Variants in LRP1 observed in about 807,000 individuals in gnomAD.
The protein encoded by LRP1 is LDL receptor related protein 1.
A neutral mutation model predicts 541.5 loss-of-function variants in LRP1; 51 were observed. That is an observed-to-expected ratio of 0.09 (90% CI 0.08 to 0.12). LRP1 has a LOEUF of 0.12. LRP1 is among the 10% of genes least tolerant of loss of function. The pLI, the probability that LRP1 is intolerant of heterozygous loss-of-function variation, is 1.00. For synonymous variants in LRP1, 2,219 were observed against 2,470.8 expected, an observed-to-expected ratio of 0.90 and a Z score of 3.02; for missense variants, 3,878 against 6,376.2, an observed-to-expected ratio of 0.61 and a Z score of 13.34.
chr12:57,140,709 T>C (rs1385961749), intron 2 of LRP1, among the ~76,000 whole-genome samples: 1 of 152,168 alleles, frequency 6.6e-6, no homozygotes, highest in East Asian at 1.9e-4. Context: ...TGGACCCTGC[T>C]TCCCTCAGCT....
chr12:57,204,495 T>C lies in LRP1; in HGVS notation c.11037T>C (p.Cys3679=). 6.3e-7 allele frequency: 1 copy of C among 1,592,122 alleles called. No homozygotes were observed. Among genetic ancestry groups the C allele is most frequent in the Non-Finnish European group, 8.6e-7 (1 of 1,167,312 alleles). The part of the protein sequence containing the change: ...LAWKCDGEDD[C]GDNSDENPEE... ...GGAAGTGCGATGGCGAGGATGACTG[T>C]GGGGACAACTCAGATGAGAACCCCG... Residue 3679 remains cysteine, a synonymous_variant, in exon 71 of 89, where the codon TGT becomes TGC. Transcript: ENST00000243077. The surrounding 1 kb of genome is among the most constrained non-coding windows in gnomAD (Gnocchi z 5.3).
In LRP1 at chr12:57,204,112, G is replaced by T; in HGVS notation, c.10952-298G>T. Reference sequence around the variant, plus strand: ...CGCGTCCCCGCTGTGGAACTACACAGCCCAGTGCTGTTCCCACGTCCCCGC... The same window carrying T: ...CGCGTCCCCGCTGTGGAACTACACATCCCAGTGCTGTTCCCACGTCCCCGC... On this transcript the variant is annotated intron_variant, in intron 70 of 88. Transcript: ENST00000243077. The surrounding 1 kb of genome is among the most constrained non-coding windows in gnomAD (Gnocchi z 5.3). 3.2e-6 allele frequency: 1 copy of T among 311,832 alleles called. No individual in the cohort carries two copies. The highest frequency in any genetic ancestry group is 9.8e-5 in the South Asian group (1 of 10,222). The allele number at this position is 311,832 out of a possible 1,614,324, so 19.3% of individuals were successfully genotyped here.
chr12:57,212,682 T>G lies in LRP1; in HGVS notation c.*127T>G. 36 of 955,890 alleles carry G rather than the reference T, an allele frequency of 3.8e-5. No homozygotes were observed. Among genetic ancestry groups the G allele is most frequent in the Middle Eastern group, 3.3e-4 (1 of 3,020 alleles). The allele number at this position is 955,890 out of a possible 1,614,324, so 59.2% of individuals were successfully genotyped here. On this transcript the variant is annotated 3_prime_UTR_variant, in exon 89 of 89. Transcript: ENST00000243077. The surrounding 1 kb of genome is among the most constrained non-coding windows in gnomAD (Gnocchi z 5.0). ...ATGTATAAATGTAAAAATGAAGGAA[T>G]TACATTTTATATGTGAGCGAGCAAG...
intron 6 of LRP1, among the ~76,000 whole-genome samples, chr12:57,146,182 CA>C (rs1415362208): frequency 1.3e-5 from 2 of 151,700 alleles, no homozygotes; most frequent in Non-Finnish European, 2.9e-5. Flanking sequence ...CTGCCGGGAA[CA>C]GCCCTGCCCA....
chr12:57,184,585 C>A lies in LRP1; in HGVS notation c.6186+133C>A. On this transcript the variant is annotated intron_variant, in intron 38 of 88. Transcript: ENST00000243077. This position sits in a 1 kb window ranked among gnomAD's most constrained non-coding sequence, Gnocchi z 7.8. Reference sequence around the variant, plus strand: ...AGGGTCTCCCAGCCCAGCCCTCCACCCAGAGTAGGACTCCTGCTACCACAG... The same window carrying A: ...AGGGTCTCCCAGCCCAGCCCTCCACACAGAGTAGGACTCCTGCTACCACAG... 7.5e-7 allele frequency: 1 copy of A among 1,327,858 alleles called. No individual in the cohort carries two copies. Among genetic ancestry groups the A allele is most frequent in the African/African-American group, 1.5e-5 (1 of 68,726 alleles). 82.3% of individuals were successfully genotyped at this position (1,327,858 alleles called of 1,614,324 possible). A position where few individuals can be genotyped will look rare whatever the true frequency, so the allele number is the denominator to read the frequency against.
Position 57,154,799 on chromosome 12 carries a change from C to T in LRP1, c.1227+98C>T. 1 of 1,144,950 alleles carries T rather than the reference C, an allele frequency of 8.7e-7. No homozygotes were observed. The highest frequency in any genetic ancestry group is 1.3e-6 in the Non-Finnish European group (1 of 783,844). The allele number at this position is 1,144,950 out of a possible 1,614,324, so 70.9% of individuals were successfully genotyped here. A position where few individuals can be genotyped will look rare whatever the true frequency, so the allele number is the denominator to read the frequency against. On this transcript the variant is annotated intron_variant, in intron 8 of 88. Transcript: ENST00000243077. The surrounding 1 kb of genome is among the most constrained non-coding windows in gnomAD (Gnocchi z 4.6). The stretch of plus-strand genomic sequence containing the variant: ...TGTAGGGGAACCGTTCTCTGAGTCT[C>T]CTGGTAAAGAGCGTGGATGCCCCAG...
chr12:57,201,220 C>T lies in LRP1; in HGVS notation c.10345+67C>T. Reference sequence around the variant, plus strand: ...CACGGAAGCAGGGCAGGCAGAATCTCCCCACAGCTTTGAGAGGCTCTCAAA... The same window carrying T: ...CACGGAAGCAGGGCAGGCAGAATCTTCCCACAGCTTTGAGAGGCTCTCAAA... On this transcript the variant is annotated intron_variant, in intron 65 of 88. Coordinates refer to ENST00000243077, the MANE Select transcript of LRP1 (RefSeq NM_002332.3). The surrounding 1 kb of genome is among the most constrained non-coding windows in gnomAD (Gnocchi z 6.4). The T allele has an allele frequency of 1.2e-6, 2 of 1,602,342 alleles. No homozygotes were observed. Among genetic ancestry groups the T allele is most frequent in the East Asian group, 2.2e-5 (1 of 44,654 alleles).
At chr12:57,193,831 G>A in intron 47 of LRP1, 68 bp from the exon 48 acceptor site, 1 of 1,590,464 alleles carries the variant, frequency 6.3e-7, no homozygotes, top group Non-Finnish European at 8.6e-7. Context: ...CAGGAGCTCT[G>A]TCCTGCGTCC....
At chr12:57,207,317 ATAAAT>A (rs1426330210) in intron 76 of LRP1, among the ~76,000 whole-genome samples, 91 of 147,320 alleles carry the variant, frequency 6.2e-4, no homozygotes, top group African/African-American at 2.1e-3. Flanking sequence ...AAATAAATAA[ATAAAT>A]AAAATAAAAT....
At chr12:57,152,543 G>A (rs536034438) in intron 6 of LRP1, among the ~76,000 whole-genome samples, 4 of 152,108 alleles carry the variant, frequency 2.6e-5, no homozygotes, top group Admixed American at 6.5e-5. Context: ...TGGTTACAGC[G>A]TGTGGGGCAA....
chr12:57,212,041 A>T lies in LRP1; in HGVS notation c.13349+24A>T. 3.7e-6 allele frequency: 6 copies of T among 1,613,780 alleles called. No individual in the cohort carries two copies. Among genetic ancestry groups the T allele is most frequent in the Non-Finnish European group, 5.1e-6 (6 of 1,179,834 alleles). On this transcript the variant is annotated intron_variant, in intron 87 of 88. Coordinates refer to ENST00000243077, the MANE Select transcript of LRP1 (RefSeq NM_002332.3). The surrounding 1 kb of genome is among the most constrained non-coding windows in gnomAD (Gnocchi z 5.0). ...GGGTGAGTCACAGGGATTCTGGAAC[A>T]TTCTGGTCATTATTTTGCCATCCTA...
At position 57,169,128 on chromosome 12, in the gene LRP1, C is replaced by A. The variant is rs2035895447; in HGVS notation, c.2996-12C>A. The A allele has an allele frequency of 6.3e-7, 1 of 1,593,348 alleles. No individual in the cohort carries two copies. Among genetic ancestry groups the A allele is most frequent in the African/African-American group, 1.3e-5 (1 of 74,606 alleles). On this transcript the variant is annotated splice_polypyrimidine_tract_variant and intron_variant, in intron 19 of 88. Transcript: ENST00000243077. The stretch of plus-strand genomic sequence containing the variant: ...TCCCGCTTTGCCTCTCCCCTTCTTC[C>A]CCCACCGCCAGACAATGACTGTGGG...
At position 57,201,771 on chromosome 12, in the gene LRP1, C is replaced by T. The variant is rs374962783; in HGVS notation, c.10469-9C>T. On this transcript the variant is annotated splice_polypyrimidine_tract_variant and intron_variant, in intron 66 of 88. Coordinates refer to ENST00000243077, the MANE Select transcript of LRP1 (RefSeq NM_002332.3). The surrounding 1 kb of genome is among the most constrained non-coding windows in gnomAD (Gnocchi z 6.4). ...GTCTCATCCTCACCCCATGCCCACC[C>T]GCTTGCAGCCCAGATGACCTGTGGT... The T allele has an allele frequency of 8.1e-6, 13 of 1,613,738 alleles. No individual in the cohort carries two copies. Among genetic ancestry groups the T allele is most frequent in the African/African-American group, 1.3e-5 (1 of 74,924 alleles).
At position 57,183,089 on chromosome 12, in the gene LRP1, T is replaced by G. The variant is rs1288451311; in HGVS notation, c.5663-290T>G. On this transcript the variant is annotated intron_variant, in intron 34 of 88. Transcript: ENST00000243077. This position sits in a 1 kb window ranked among gnomAD's most constrained non-coding sequence, Gnocchi z 6.1. ...GAACTTGCAGGGGTGCAGGGTTGGGTTGTGCTGGGTGGAGGCCGGCAGAGC... is the reference window on the plus strand; with the variant it reads ...GAACTTGCAGGGGTGCAGGGTTGGGGTGTGCTGGGTGGAGGCCGGCAGAGC... Among the ~76,000 whole-genome samples, 4 of 152,046 alleles carry G rather than the reference T, an allele frequency of 2.6e-5. No homozygotes were observed. Among genetic ancestry groups the G allele is most frequent in the African/African-American group, 9.7e-5 (4 of 41,390 alleles).
chr12:57,179,050 A>G lies in LRP1; in HGVS notation c.4738+29A>G, dbSNP rs1169913712. 1.2e-6 allele frequency: 2 copies of G among 1,606,196 alleles called. No homozygotes were observed. The highest frequency in any genetic ancestry group is 2.2e-5 in the South Asian group (2 of 90,038). On this transcript the variant is annotated intron_variant, in intron 28 of 88. Transcript: ENST00000243077. The surrounding 1 kb of genome is among the most constrained non-coding windows in gnomAD (Gnocchi z 6.8). ...GGAGCCCCTCCCTCCAGAGCCAGTGAGCAACTGAGGCTGGAGGGAAGGCCG... is the reference window on the plus strand; with the variant it reads ...GGAGCCCCTCCCTCCAGAGCCAGTGGGCAACTGAGGCTGGAGGGAAGGCCG...
At chr12:57,152,180 G>A (rs2035539397) in intron 6 of LRP1, among the ~76,000 whole-genome samples, 3 of 152,144 alleles carry the variant, frequency 2.0e-5, no homozygotes, top group Admixed American at 2.0e-4. Flanking sequence ...TCAGATCTCT[G>A]CAGGTTTCTT....
Position 57,159,836 on chromosome 12 carries a change from G to T in LRP1, c.1810G>T (p.Val604Leu). 1 of 1,614,190 alleles carries T rather than the reference G, an allele frequency of 6.2e-7. No homozygotes were observed. Among genetic ancestry groups the T allele is most frequent in the Non-Finnish European group, 8.5e-7 (1 of 1,180,004 alleles). ...ETILKDGIHN[V>L]EGVAVDWMGD... is the part of the protein sequence containing the mutation. Reference sequence around the variant, plus strand: ...TCTTCCCCCAACAGGCATCCACAATGTGGAGGGTGTGGCCGTGGACTGGAT... The same window carrying T: ...TCTTCCCCCAACAGGCATCCACAATTTGGAGGGTGTGGCCGTGGACTGGAT... The change falls in exon 12 of 89, where the codon GTG (valine) becomes TTG (leucine). Residue 604 changes from valine to leucine, a missense_variant. By Grantham distance (32) the Val-to-Leu change is conservative (BLOSUM62 1). Around this residue, in one of 13 missense-constraint regions of LRP1, gnomAD observed 496 missense variants for 861.0 expected, o/e 0.58. Transcript: ENST00000243077.
intron 34 of LRP1, among the ~76,000 whole-genome samples, chr12:57,181,627 G>A (rs752440698): frequency 1.2e-4 from 19 of 152,192 alleles, no homozygotes; most frequent in Non-Finnish European, 5.9e-5. Context: ...GGTGGGCAAA[G>A]TGTGGGGAAG....
chr12:57,169,343 C>T (rs369779144), intron 20 of LRP1, 36 bp downstream of exon 20: 31 of 1,560,880 alleles, frequency 2.0e-5, no homozygotes, highest in Admixed American at 3.5e-5. Flanking sequence ...GGGATGAGAT[C>T]GAGCCCCCTG....
Sources: allele counts gnomAD v4.1 joint callset (sites outside exome capture counted in the v4.1 genomes callset), GRCh38; gene constraint gnomAD v4.1.1; regional missense constraint gnomAD v4.1.1; non-coding constraint Gnocchi (gnomAD v3.1); transcripts MANE v1.5; gene names NCBI Gene and HGNC (gene_info 2026-07-23, HGNC 2026-07-21).